HIBADH: variants seen among roughly 807,000 people sequenced by gnomAD.
HIBADH encodes 3-hydroxyisobutyrate dehydrogenase, mitochondrial.
HIBADH carries 25 observed loss-of-function variants against 36.1 expected under a neutral mutation model. That is an observed-to-expected ratio of 0.69 (90% confidence interval 0.50 to 0.97). HIBADH has a LOEUF of 0.97. HIBADH is among the 50% of genes least tolerant of loss of function. The pLI is 0.00. For synonymous variants in HIBADH, 160 were observed against 149.5 expected (o/e 1.07, Z -0.51); for missense variants, 421 against 418.0 (o/e 1.01, Z -0.06).
At chr7:27,579,915 C>T (rs183328289) in intron 4 of HIBADH, among the ~76,000 whole-genome samples, 32 of 152,308 alleles carry the variant, frequency 2.1e-4, no homozygotes, top group African/African-American at 7.0e-4. Context: ...CTATAACCTA[C>T]TGCCATGCTA....
At chr7:27,644,226 G>A (rs1786014572) in intron 2 of HIBADH, among the ~76,000 whole-genome samples, 1 of 152,116 alleles carries the variant, frequency 6.6e-6, no homozygotes, top group South Asian at 2.1e-4. Flanking sequence ...AGCACTTTGG[G>A]AGGCCGAGGT....
At chr7:27,538,258 A>G (rs996741668) in intron 6 of HIBADH, 83 bp downstream of exon 6, 14 of 1,049,724 alleles carry the variant, frequency 1.3e-5, no homozygotes, top group Non-Finnish European at 2.0e-5. Flanking sequence ...TTTATCTCTC[A>G]TGAATATCAT....
intron 4 of HIBADH, among the ~76,000 whole-genome samples, chr7:27,553,182 GC>G (rs1166690980): frequency 6.6e-6 from 1 of 152,174 alleles, no homozygotes; most frequent in African/African-American, 2.4e-5. Flanking sequence ...AACTCTGAAA[GC>G]TAATAATGTC....
chr7:27,550,331 TTC>T (rs1423890751), intron 4 of HIBADH, among the ~76,000 whole-genome samples: 2 of 152,222 alleles, frequency 1.3e-5, no homozygotes, highest in Non-Finnish European at 2.9e-5. Flanking sequence ...GTACCCTCTC[TTC>T]TGTCTTCAGT....
At chr7:27,553,223 A>G (rs1426356315) in intron 4 of HIBADH, among the ~76,000 whole-genome samples, 2 of 152,246 alleles carry the variant, frequency 1.3e-5, no homozygotes, top group Non-Finnish European at 2.9e-5. Flanking sequence ...AGGAAATTAT[A>G]GGCTATATCT....
At chr7:27,651,259 T>A (rs907536568) in intron 1 of HIBADH, among the ~76,000 whole-genome samples, 3 of 152,230 alleles carry the variant, frequency 2.0e-5, no homozygotes, top group Admixed American at 2.0e-4. Flanking sequence ...GCATATTTAA[T>A]TCCTTTAACT....
chr7:27,635,723 A>G (rs549540019), intron 2 of HIBADH, among the ~76,000 whole-genome samples: 2 of 152,354 alleles, frequency 1.3e-5, no homozygotes, highest in East Asian at 1.9e-4. Context: ...CAACACCTCC[A>G]TAACTGGGGA....
intron 5 of HIBADH, among the ~76,000 whole-genome samples, chr7:27,540,832 T>C (rs190307667): frequency 1.3e-5 from 2 of 152,284 alleles, no homozygotes; most frequent in East Asian, 3.9e-4. Context: ...TCAAAATAAC[T>C]TTAAAAGTCA....
intron 2 of HIBADH, among the ~76,000 whole-genome samples, chr7:27,638,692 T>C (rs1785902124): frequency 7.0e-6 from 1 of 142,458 alleles, no homozygotes; most frequent in African/African-American, 3.1e-5. Context: ...TTGCAAACTA[T>C]GCATCCCACA....
chr7:27,540,622 T>C (rs1784134746), intron 5 of HIBADH, among the ~76,000 whole-genome samples: 1 of 152,198 alleles, frequency 6.6e-6, no homozygotes, highest in Non-Finnish European at 1.5e-5. Context: ...TCTTTCCAGA[T>C]TTTCATGTTC....
intron 2 of HIBADH, among the ~76,000 whole-genome samples, chr7:27,643,111 C>T (rs899012890): frequency 6.6e-6 from 1 of 152,186 alleles, no homozygotes; most frequent in East Asian, 1.9e-4. Flanking sequence ...ACCTATTGGT[C>T]CCTAAAGGCA....
intron 4 of HIBADH, among the ~76,000 whole-genome samples, chr7:27,551,426 T>C (rs893288863): frequency 2.6e-5 from 4 of 152,198 alleles, no homozygotes; most frequent in South Asian, 2.1e-4. Context: ...GAAAGGTATA[T>C]AGCTATTACA....
Position 27,628,871 on chromosome 7 carries a change from G to A in HIBADH, c.484+500C>T, listed in dbSNP as rs181743582. Reference sequence around the variant, plus strand: ...ATATCAGAGTTATAAAGGTCTTACAGAATGAATTGGGAAGTATTTCCTCTT... The same window carrying A: ...ATATCAGAGTTATAAAGGTCTTACAAAATGAATTGGGAAGTATTTCCTCTT... On this transcript the variant is annotated intron_variant, in intron 4 of 7. Transcript: ENST00000265395. 5.5e-4 allele frequency among the ~76,000 whole-genome samples: 83 copies of A among 152,096 alleles called. 2 individuals carry two copies. In the East Asian group the frequency reaches 0.013, roughly 24 times the overall value.
intron 7 of HIBADH, among the ~76,000 whole-genome samples, chr7:27,528,562 A>G (rs1184035898): frequency 1.3e-5 from 2 of 152,202 alleles, no homozygotes; most frequent in African/African-American, 4.8e-5. Flanking sequence ...CCAAAGCTTA[A>G]CCCAGAACAA....
At chr7:27,530,286 A>G (rs2128182773) in intron 7 of HIBADH, among the ~76,000 whole-genome samples, 1 of 151,868 alleles carries the variant, frequency 6.6e-6, no homozygotes, top group South Asian at 2.1e-4. Flanking sequence ...GCTGACTGCC[A>G]TCTCCACCTC....
chr7:27,637,659 T>C (rs1471042279), intron 2 of HIBADH, among the ~76,000 whole-genome samples: 1 of 152,174 alleles, frequency 6.6e-6, no homozygotes, highest in Non-Finnish European at 1.5e-5. Context: ...CCTATCCCTG[T>C]GTGCAGACAT....
At chr7:27,575,261 T>TGTCA (rs1360245389) in intron 4 of HIBADH, among the ~76,000 whole-genome samples, 1 of 152,226 alleles carries the variant, frequency 6.6e-6, no homozygotes, top group African/African-American at 2.4e-5. Context: ...GACCCTAACC[T>TGTCA]GTCATGGTGC....
At chr7:27,647,683 C>A in intron 2 of HIBADH, 1 of 405,084 alleles carries the variant, frequency 2.5e-6, no homozygotes, top group South Asian at 1.9e-5. Context: ...CTAAAATTAG[C>A]AACACTAAAG....
intron 4 of HIBADH, among the ~76,000 whole-genome samples, chr7:27,566,453 T>G (rs1368853910): frequency 6.6e-6 from 1 of 151,038 alleles, no homozygotes; most frequent in Non-Finnish European, 1.5e-5. Context: ...TTCCTGACAC[T>G]GGTAATTTGT....
Sources: gnomAD v4.1 joint callset for allele counts (sites outside exome capture counted in the v4.1 genomes callset) on GRCh38, gnomAD v4.1.1 for gene constraint, MANE v1.5 for transcripts, NCBI Gene and HGNC (gene_info 2026-07-23, HGNC 2026-07-21) for gene names.